CORIN: variants seen among roughly 807,000 people sequenced by gnomAD.
CORIN encodes atrial natriuretic peptide-converting enzyme.
A neutral mutation model predicts 125.3 loss-of-function variants in CORIN; 117 were observed. The observed-to-expected ratio is 0.93, with a 90% confidence interval of 0.80 to 1.09. The LOEUF (loss-of-function observed/expected upper bound fraction) is 1.09. Among genes scored for constraint, CORIN ranks in the 50% least tolerant of loss-of-function variants. The probability of loss-of-function intolerance (pLI) is 0.00; values close to 1 mark genes in which losing one functional copy is unlikely to be tolerated. For synonymous variants in CORIN, 450 were observed against 466.4 expected (o/e 0.96, Z 0.45); for missense variants, 1,253 against 1,306.7 (o/e 0.96, Z 0.63).
At chr4:47,748,414 A>AGTGCATTTG (rs1335000085) in intron 4 of CORIN, among the ~76,000 whole-genome samples, 1 of 152,214 alleles carries the variant, frequency 6.6e-6, no homozygotes, top group African/African-American at 2.4e-5. Flanking sequence ...TGATGTCTGA[A>AGTGCATTTG]GTGCATTTGG....
intron 16 of CORIN, among the ~76,000 whole-genome samples, chr4:47,641,010 A>G (rs755239210): frequency 2.4e-4 from 36 of 152,318 alleles, no homozygotes; most frequent in Middle Eastern, 3.4e-3. Flanking sequence ...ATAGATGAGC[A>G]TTAGTTATTC....
chr4:47,761,319 T>G (rs1729445723), intron 4 of CORIN, among the ~76,000 whole-genome samples: 1 of 152,224 alleles, frequency 6.6e-6, no homozygotes, highest in Non-Finnish European at 1.5e-5. Flanking sequence ...ACCTGAATAC[T>G]TAGAGGCCAT....
intron 4 of CORIN, among the ~76,000 whole-genome samples, chr4:47,753,961 C>T (rs926929976): frequency 1.8e-4 from 27 of 152,182 alleles, no homozygotes; most frequent in African/African-American, 5.1e-4. Flanking sequence ...TTCTCTGCCA[C>T]GGCTCCAGCT....
chr4:47,717,480 A>G (rs1164062966), intron 5 of CORIN, among the ~76,000 whole-genome samples: 2 of 152,026 alleles, frequency 1.3e-5, no homozygotes, highest in Non-Finnish European at 2.9e-5. Context: ...ACCGTCCCCA[A>G]TCCTTCATCC....
At position 47,643,271 on chromosome 4, in the gene CORIN, A is replaced by C. The variant is rs1035397004; in HGVS notation, c.1958-15T>G. On this transcript the variant is annotated splice_polypyrimidine_tract_variant and intron_variant, in intron 14 of 21. Transcript: ENST00000273857. ...TTGGCAAAATGCTGGCATGGGGAAC[A>C]AAAAGTGAGAAGGAAAACATTTTAG... 2.5e-6 allele frequency: 4 copies of C among 1,582,562 alleles called. No homozygotes were observed. The highest frequency in any genetic ancestry group is 3.4e-6 in the Non-Finnish European group (4 of 1,163,866).
chr4:47,705,689 C>T (rs1376206897), intron 5 of CORIN, among the ~76,000 whole-genome samples: 2 of 152,146 alleles, frequency 1.3e-5, no homozygotes, highest in Non-Finnish European at 2.9e-5. Flanking sequence ...AAATACGTAG[C>T]CTGACCTCTC....
chr4:47,632,758 G>GATAT (rs1298945038), intron 16 of CORIN, among the ~76,000 whole-genome samples: 2 of 99,172 alleles, frequency 2.0e-5, no homozygotes, highest in African/African-American at 8.0e-5. Flanking sequence ...TAGATAGATA[G>GATAT]ATAGATAGAG....
At chr4:47,835,866 G>A (rs893864) in intron 1 of CORIN, among the ~76,000 whole-genome samples, 125,637 of 152,234 alleles carry the variant, frequency 0.83, 52,075 homozygotes, top group East Asian at 0.98. Flanking sequence ...AAGTGTCTCT[G>A]TACCTGGATA....
At chr4:47,790,286 T>TG in intron 2 of CORIN, 1 of 681,096 alleles carries the variant, frequency 1.5e-6, no homozygotes. Context: ...AACCCCCGAC[T>TG]GGCCTGCGCA....
chr4:47,672,619 CGTGTGT>C (rs765384960), intron 10 of CORIN, among the ~76,000 whole-genome samples: 1 of 150,660 alleles, frequency 6.6e-6, no homozygotes, highest in South Asian at 2.1e-4. Context: ...ATATGTTATA[CGTGTGT>C]GTGTGTGTGT....
chr4:47,702,446 CACA>C (rs1222179362), intron 5 of CORIN, among the ~76,000 whole-genome samples: 5 of 151,984 alleles, frequency 3.3e-5, no homozygotes, highest in Admixed American at 1.3e-4. Flanking sequence ...GTAACTCAGT[CACA>C]ACGTTTATGG....
chr4:47,725,927 C>A (rs1027965207), intron 5 of CORIN, among the ~76,000 whole-genome samples: 4 of 151,974 alleles, frequency 2.6e-5, no homozygotes, highest in Admixed American at 2.0e-4. Context: ...AACAACCCCC[C>A]ACTCCTGCCA....
intron 3 of CORIN, among the ~76,000 whole-genome samples, chr4:47,786,221 A>G (rs73150673): frequency 0.012 from 1,870 of 152,244 alleles, 51 homozygotes; most frequent in African/African-American, 0.042. Flanking sequence ...CATCTGGGCT[A>G]ATGGCATTTC....
At chr4:47,649,685 C>A in intron 13 of CORIN, among the ~76,000 whole-genome samples, 1 of 152,330 alleles carries the variant, frequency 6.6e-6, no homozygotes, top group East Asian at 1.9e-4. Flanking sequence ...ACGCAGGACA[C>A]TCTGCCATTC....
At chr4:47,723,995 C>CAAAAA (rs766930754) in intron 5 of CORIN, among the ~76,000 whole-genome samples, 9 of 58,868 alleles carry the variant, frequency 1.5e-4, no homozygotes, top group Non-Finnish European at 2.2e-4. Flanking sequence ...GACTCCATCT[C>CAAAAA]AAAAAAAAAA....
intron 5 of CORIN, among the ~76,000 whole-genome samples, chr4:47,740,368 T>C (rs540926659): frequency 5.4e-4 from 82 of 152,018 alleles, no homozygotes; most frequent in African/African-American, 1.9e-3. Flanking sequence ...TTATTGACAG[T>C]GGAATATTAT....
At chr4:47,690,564 T>C (rs973468605) in intron 6 of CORIN, among the ~76,000 whole-genome samples, 1 of 152,230 alleles carries the variant, frequency 6.6e-6, no homozygotes, top group African/African-American at 2.4e-5. Flanking sequence ...AGGCAAGTGC[T>C]TAGCTAGAGA....
chr4:47,811,085 A>G (rs1732043527), intron 1 of CORIN, among the ~76,000 whole-genome samples: 1 of 152,196 alleles, frequency 6.6e-6, no homozygotes, highest in Non-Finnish European at 1.5e-5. Flanking sequence ...AAAAATAAAC[A>G]TATCTCTCCT....
intron 3 of CORIN, among the ~76,000 whole-genome samples, chr4:47,765,776 A>G (rs1222536506): frequency 3.3e-5 from 5 of 152,118 alleles, no homozygotes; most frequent in Admixed American, 2.0e-4. Context: ...GAAGTTGAGC[A>G]CCTTTTCATA....
Sources: gnomAD v4.1 joint callset for allele counts (sites outside exome capture counted in the v4.1 genomes callset) on GRCh38, gnomAD v4.1.1 for gene constraint, MANE v1.5 for transcripts, NCBI Gene and HGNC (gene_info 2026-07-23, HGNC 2026-07-21) for gene names.